The following PTPRQ variants were observed in gnomAD, a reference collection of about 807,000 sequenced individuals.
PTPRQ encodes the protein protein tyrosine phosphatase receptor type Q.
In PTPRQ, 199 loss-of-function variants were observed where a neutral mutation model predicts 246.0. The observed-to-expected ratio is 0.81, with a 90% CI of 0.72 to 0.91. The LOEUF (loss-of-function observed/expected upper bound fraction) is 0.91. Ranked by LOEUF, PTPRQ falls within the 40% of genes least tolerant of loss-of-function variation. PTPRQ has a pLI of 0.00. For missense variants in PTPRQ, 2,624 were observed against 2,528.4 expected, an observed-to-expected ratio of 1.04 and a Z score of -0.81; for synonymous variants, 869 against 853.2, an observed-to-expected ratio of 1.02 and a Z score of -0.32.
At chr12:80,514,734 ATATTACATTAGGTATTATATAAT>A (rs1367616577) in intron 17 of PTPRQ, among the ~76,000 whole-genome samples, 1 of 145,982 alleles carries the variant, frequency 6.9e-6, no homozygotes, top group Non-Finnish European at 1.5e-5. Flanking sequence ...ATATATGATT[ATATTACATTAGGTATTATATAAT>A]TATTACATAT....
intron 17 of PTPRQ, among the ~76,000 whole-genome samples, chr12:80,516,293 A>G (rs1895297293): frequency 6.6e-6 from 1 of 152,168 alleles, no homozygotes; most frequent in South Asian, 2.1e-4. Flanking sequence ...GGAAACTTCT[A>G]AGAGAATATA....
rs1382513707 is a variant in PTPRQ at position 80,481,369 on chromosome 12, G to A, written c.1187-3064G>A. Among the ~76,000 whole-genome samples, 7 of 152,134 alleles carry A rather than the reference G, an allele frequency of 4.6e-5. No individual in the cohort carries two copies. In the South Asian group the frequency reaches 8.3e-4, roughly 18 times the overall value. On this transcript the variant is annotated intron_variant, in intron 8 of 44. Coordinates refer to ENST00000644991, the MANE Select transcript of PTPRQ (RefSeq NM_001145026.2). Reference sequence around the variant, plus strand: ...TCAATAAATTAGGTATTGATGGGACGTATTTCAAAATAATAAGAGCCATCC... The same window carrying A: ...TCAATAAATTAGGTATTGATGGGACATATTTCAAAATAATAAGAGCCATCC...
intron 10 of PTPRQ, among the ~76,000 whole-genome samples, 151 bp downstream of exon 10, chr12:80,493,606 ACAAATGGAAATG>A (rs1456316689): frequency 6.6e-6 from 1 of 151,922 alleles, no homozygotes; most frequent in African/African-American, 2.4e-5. Context: ...ACCTCATGCA[ACAAATGGAAATG>A]CCACACAGGC....
At chr12:80,655,403 TC>T (rs1191027966) in intron 38 of PTPRQ, among the ~76,000 whole-genome samples, 1 of 152,138 alleles carries the variant, frequency 6.6e-6, no homozygotes, top group Non-Finnish European at 1.5e-5. Context: ...GGTTAATAGA[TC>T]ATTTCCTTTT....
At chr12:80,479,693 A>G (rs1463478938) in intron 8 of PTPRQ, among the ~76,000 whole-genome samples, 1 of 143,372 alleles carries the variant, frequency 7.0e-6, no homozygotes, top group African/African-American at 2.7e-5. Context: ...TCTACCAAGC[A>G]AATGGAGAAC....
At chr12:80,594,559 G>C (rs1326276812) in intron 26 of PTPRQ, among the ~76,000 whole-genome samples, 1 of 152,020 alleles carries the variant, frequency 6.6e-6, no homozygotes, top group African/African-American at 2.4e-5. Flanking sequence ...AACCACTTAG[G>C]TTCCCATAGA....
chr12:80,605,650 A>C (rs1311318324), intron 27 of PTPRQ, among the ~76,000 whole-genome samples: 1 of 151,240 alleles, frequency 6.6e-6, no homozygotes, highest in East Asian at 2.0e-4. Flanking sequence ...TTGAAAAATA[A>C]GTGAAGCAGA....
chr12:80,489,163 G>A (rs551482209), intron 9 of PTPRQ, among the ~76,000 whole-genome samples: 1 of 151,882 alleles, frequency 6.6e-6, no homozygotes, highest in Non-Finnish European at 1.5e-5. Context: ...AAGAAACTAC[G>A]GTGTTCTTTA....
At chr12:80,668,070 C>G (rs1266080982) in intron 39 of PTPRQ, among the ~76,000 whole-genome samples, 1 of 151,958 alleles carries the variant, frequency 6.6e-6, no homozygotes, top group Non-Finnish European at 1.5e-5. Flanking sequence ...TTACTATTCT[C>G]TGACTACTGA....
intron 38 of PTPRQ, among the ~76,000 whole-genome samples, chr12:80,654,776 C>T (rs1900376944): frequency 6.6e-6 from 1 of 151,696 alleles, no homozygotes; most frequent in Admixed American, 6.6e-5. Context: ...AGGAGACTTG[C>T]TTGAACCTGG....
chr12:80,545,103 G>A (rs1227461516), intron 23 of PTPRQ, among the ~76,000 whole-genome samples: 1 of 151,894 alleles, frequency 6.6e-6, no homozygotes, highest in Non-Finnish European at 1.5e-5. Flanking sequence ...TGTTTCTCTG[G>A]TTTTTAGCCC....
At position 80,652,786 on chromosome 12, in the gene PTPRQ, G is replaced by A; in HGVS notation, c.6067G>A (p.Asp2023Asn). The A allele has an allele frequency of 6.6e-7, 1 of 1,513,632 alleles. No individual in the cohort carries two copies. Among genetic ancestry groups the A allele is most frequent in the South Asian group, 1.3e-5 (1 of 74,858 alleles). 93.8% of individuals were successfully genotyped at this position (1,513,632 alleles called of 1,614,324 possible). The change falls in exon 38 of 45, where the codon GAT becomes AAT. Residue 2023 changes from aspartate (D) to asparagine (N), a missense_variant. Coordinates refer to ENST00000644991, the MANE Select transcript of PTPRQ (RefSeq NM_001145026.2). ...TCAGGATCTTTCTTCAACTGATGCTGATCTGCCTTGGAATAGAGCAAAAAA... is the reference window on the plus strand; with the variant it reads ...TCAGGATCTTTCTTCAACTGATGCTAATCTGCCTTGGAATAGAGCAAAAAA... ...FLQDLSSTDA[D>N]LPWNRAKNRF...
chr12:80,562,106 G>A (rs528825271), intron 25 of PTPRQ, among the ~76,000 whole-genome samples: 2 of 152,088 alleles, frequency 1.3e-5, no homozygotes, highest in African/African-American at 4.8e-5. Flanking sequence ...ACCAGCCTTG[G>A]GATTCTTACA....
intron 18 of PTPRQ, 55 bp downstream of exon 18, chr12:80,534,230 A>G: frequency 7.2e-7 from 1 of 1,395,816 alleles, no homozygotes; most frequent in Non-Finnish European, 9.4e-7. Context: ...TAAAAAAAAA[A>G]TCCTGCCCAG....
intron 39 of PTPRQ, among the ~76,000 whole-genome samples, chr12:80,661,385 C>A (rs1009792447): frequency 2.0e-5 from 3 of 149,184 alleles, no homozygotes; most frequent in African/African-American, 7.4e-5. Flanking sequence ...ATAAATTCTC[C>A]CACTATTCAC....
At chr12:80,525,318 A>T (rs1895648932) in intron 17 of PTPRQ, among the ~76,000 whole-genome samples, 1 of 152,180 alleles carries the variant, frequency 6.6e-6, no homozygotes, top group Non-Finnish European at 1.5e-5. Flanking sequence ...GCTTAAGCAA[A>T]AATGGGAATA....
intron 39 of PTPRQ, 40 bp downstream of exon 39, chr12:80,658,101 A>T: frequency 8.7e-7 from 1 of 1,153,048 alleles, no homozygotes; most frequent in Non-Finnish European, 1.2e-6. Context: ...TGTATAAAAC[A>T]TAATTACTGA....
intron 35 of PTPRQ, among the ~76,000 whole-genome samples, chr12:80,645,700 A>G (rs1188272930): frequency 6.6e-6 from 1 of 152,040 alleles, no homozygotes; most frequent in Non-Finnish European, 1.5e-5. Flanking sequence ...TTTTCTTTTT[A>G]GTAGAACAGA....
At chr12:80,444,496 A>G in intron 1 of PTPRQ, 97 bp downstream of exon 1, 1 of 777,068 alleles carries the variant, frequency 1.3e-6, no homozygotes, top group Non-Finnish European at 2.2e-6. Flanking sequence ...GAACTAGGAT[A>G]GATAGAAATG....
Sources: gnomAD v4.1 joint callset for allele counts (sites outside exome capture counted in the v4.1 genomes callset) on GRCh38, gnomAD v4.1.1 for gene constraint, MANE v1.5 for transcripts, NCBI Gene and HGNC (gene_info 2026-07-23, HGNC 2026-07-21) for gene names.